The following MOBP variants were observed in gnomAD, a reference collection of about 807,000 sequenced individuals.
The protein encoded by MOBP is myelin-associated oligodendrocyte basic protein.
MOBP carries 5 observed loss-of-function variants against 15.0 expected under a neutral mutation model. That is an observed-to-expected ratio of 0.33 (90% CI 0.17 to 0.70). The LOEUF (loss-of-function observed/expected upper bound fraction) is 0.70, where lower values mean the gene tolerates loss of function less well. Ranked by LOEUF, MOBP falls within the 30% of genes least tolerant of loss-of-function variation. The pLI, the probability that MOBP is intolerant of heterozygous loss-of-function variation, is 0.67. For synonymous variants in MOBP, 88 were observed against 99.0 expected, an observed-to-expected ratio of 0.89 and a Z score of 0.66; for missense variants, 188 against 257.8, an observed-to-expected ratio of 0.73 and a Z score of 1.85.
In MOBP at chr3:39,468,770, A is replaced by G. The variant is rs1023299393; in HGVS notation, c.-89+1030A>G. 1.1e-3 allele frequency among the ~76,000 whole-genome samples: 90 copies of G among 79,774 alleles called. 17 individuals carry two copies. The highest frequency in any genetic ancestry group is 7.8e-4 in the Non-Finnish European group (33 of 42,372). The allele number at this position is 79,774 out of a possible 152,430, so 52.3% of individuals were successfully genotyped here. A position where few individuals can be genotyped will look rare whatever the true frequency, so the allele number is the denominator to read the frequency against. ...TATATACATATATACATGTGTGTGT[A>G]TATATACATATATACATGTGTGTGT... On this transcript the variant is annotated intron_variant, in intron 1 of 3. Transcript: ENST00000684792.
At chr3:39,508,749 A>G (rs968821289) in intron 4 of MOBP, among the ~76,000 whole-genome samples, 2 of 151,996 alleles carry the variant, frequency 1.3e-5, no homozygotes, top group African/African-American at 4.8e-5. Flanking sequence ...GGCTTTCACT[A>G]TGTTGGTCAG....
chr3:39,474,259 A>G lies in MOBP; in HGVS notation c.-88-5781A>G, dbSNP rs141734807. On this transcript the variant is annotated intron_variant, in intron 1 of 3. Transcript: ENST00000684792. ...ACTGACTCAAATTACTCAAATTCCA[A>G]TCACTGGCTCTTGATGGTTTATGTA... Among the ~76,000 whole-genome samples, 422 of 152,308 alleles carry G rather than the reference A, an allele frequency of 2.8e-3. 2 individuals carry two copies. The highest frequency in any genetic ancestry group is 9.6e-3 in the African/African-American group (400 of 41,574).
At chr3:39,520,286 G>A (rs673426), downstream of MOBP, among the ~76,000 whole-genome samples, 29,503 of 152,068 alleles carry the variant, frequency 0.19, 2,952 homozygotes, top group Middle Eastern at 0.23. Context: ...GATTATGTTG[G>A]ATAAGTTCTA....
At chr3:39,468,186 G>T (rs757449839) in intron 1 of MOBP, among the ~76,000 whole-genome samples, 1 of 151,644 alleles carries the variant, frequency 6.6e-6, no homozygotes, top group African/African-American at 2.4e-5. Context: ...TTGGATTTAT[G>T]TGTGGGGGAT....
chr3:39,509,866 C>G (rs2043097621), intron 4 of MOBP, among the ~76,000 whole-genome samples: 1 of 152,128 alleles, frequency 6.6e-6, no homozygotes, highest in Non-Finnish European at 1.5e-5. Context: ...CCAGCAGGGT[C>G]ATACTTTTTG....
At chr3:39,521,997 G>A (rs1254167532) in intron 3 of MOBP, among the ~76,000 whole-genome samples, 1 of 152,184 alleles carries the variant, frequency 6.6e-6, no homozygotes, top group Non-Finnish European at 1.5e-5. Context: ...TGGACTAAAG[G>A]TATGGAATCA....
chr3:39,499,796 T>G, intron 2 of MOBP: 2 of 330,590 alleles, frequency 6.0e-6, no homozygotes. Flanking sequence ...CTCTATTATG[T>G]CTTCCAATTC....
intron 3 of MOBP, among the ~76,000 whole-genome samples, chr3:39,523,750 A>G (rs531665816): frequency 5.9e-5 from 9 of 152,290 alleles, no homozygotes; most frequent in African/African-American, 2.2e-4. Context: ...GCTCAAAGAA[A>G]GTGTCAGGAA....
downstream of MOBP, among the ~76,000 whole-genome samples, chr3:39,507,067 A>G (rs747801848): frequency 6.6e-6 from 1 of 152,166 alleles, no homozygotes; most frequent in Non-Finnish European, 1.5e-5. Context: ...AGGGTTCCCT[A>G]CTGAGCTCTC....
chr3:39,519,235 A>G (rs1433061136), downstream of MOBP, among the ~76,000 whole-genome samples: 1 of 152,160 alleles, frequency 6.6e-6, no homozygotes, highest in Non-Finnish European at 1.5e-5. Flanking sequence ...ATTCTTTGTG[A>G]ACATCCCTTT....
At chr3:39,471,646 C>T (rs555981309) in intron 1 of MOBP, among the ~76,000 whole-genome samples, 40 of 152,278 alleles carry the variant, frequency 2.6e-4, no homozygotes, top group Non-Finnish European at 5.4e-4. Context: ...TCTTTTCCAG[C>T]TCCTCCTCTG....
intron 2 of MOBP, among the ~76,000 whole-genome samples, chr3:39,483,693 T>C (rs866429899): frequency 6.9e-4 from 105 of 152,350 alleles, no homozygotes; most frequent in African/African-American, 2.4e-3. Context: ...TATGTGTACA[T>C]TCAAAATCCC....
chr3:39,477,535 A>T (rs533988661), intron 1 of MOBP, among the ~76,000 whole-genome samples: 12 of 152,020 alleles, frequency 7.9e-5, no homozygotes, highest in African/African-American at 2.9e-4. Flanking sequence ...AATGCTGATA[A>T]ATGAATATGT....
At chr3:39,507,009 C>G (rs1288168416), downstream of MOBP, among the ~76,000 whole-genome samples, 5 of 152,220 alleles carry the variant, frequency 3.3e-5, no homozygotes, top group African/African-American at 1.2e-4. Flanking sequence ...TCTTCATCTT[C>G]TTGTGAGTGC....
At chr3:39,469,401 A>G (rs2125618868) in intron 1 of MOBP, among the ~76,000 whole-genome samples, 1 of 151,348 alleles carries the variant, frequency 6.6e-6, no homozygotes, top group South Asian at 2.1e-4. Context: ...ATTTATTTTA[A>G]TTGGAATTAA....
exon 5 of MOBP, chr3:39,524,694 C>T (rs2043305469): frequency 6.6e-6 from 1 of 151,958 alleles, no homozygotes; most frequent in Non-Finnish European, 1.5e-5. Flanking sequence ...TTTTAGGCAC[C>T]CATCCTAGAG....
Position 39,502,349 on chromosome 3 carries a change from C to T in MOBP, c.206+74C>T. 2 of 1,595,186 alleles carry T rather than the reference C, an allele frequency of 1.3e-6. No individual in the cohort carries two copies. The highest frequency in any genetic ancestry group is 1.7e-6 in the Non-Finnish European group (2 of 1,171,218). On this transcript the variant is annotated intron_variant, in intron 3 of 3. Transcript: ENST00000684792. This position sits in a 1 kb window ranked among gnomAD's most constrained non-coding sequence, Gnocchi z 6.3. The stretch of plus-strand genomic sequence containing the variant: ...CTCGGCTCCCAGCACGCCCCTCCCG[C>T]TCCGCACCCCACTCTTCCCCCTAGT...
intron 1 of MOBP, among the ~76,000 whole-genome samples, chr3:39,475,946 G>C (rs6786983): frequency 6.6e-6 from 1 of 151,902 alleles, no homozygotes; most frequent in South Asian, 2.1e-4. Flanking sequence ...TCATTCTTAC[G>C]TTGCTATAAA....
At chr3:39,472,790 G>A (rs776767044) in intron 1 of MOBP, among the ~76,000 whole-genome samples, 5 of 152,232 alleles carry the variant, frequency 3.3e-5, no homozygotes, top group Non-Finnish European at 5.9e-5. Flanking sequence ...ACCAAGCGTG[G>A]TGGTGCGTGC....
Sources: allele counts gnomAD v4.1 joint callset (sites outside exome capture counted in the v4.1 genomes callset), GRCh38; gene constraint gnomAD v4.1.1; non-coding constraint Gnocchi (gnomAD v3.1); transcripts MANE v1.5; gene names NCBI Gene and HGNC (gene_info 2026-07-23, HGNC 2026-07-21).